Variants in INTS15 observed in about 807,000 individuals in gnomAD.
The protein encoded by INTS15 is integrator complex subunit 15, also known as uncharacterized protein C7orf26.
chr7:6,590,433 G>A, the INTS15 span: 2 of 1,601,640 alleles, frequency 1.2e-6, no homozygotes, highest in Non-Finnish European at 1.7e-6. Context: ...TGCTGGAGGA[G>A]TTCGTGTTCC....
the INTS15 span, chr7:6,600,416 A>G: frequency 1.3e-6 from 2 of 1,499,704 alleles, no homozygotes; most frequent in Non-Finnish European, 1.8e-6. Flanking sequence ...TGCAGAAGGA[A>G]GGAGGGGCTC....
At chr7:6,598,735 T>TG in the INTS15 span, among the ~76,000 whole-genome samples, 2 of 83,618 alleles carry the variant, frequency 2.4e-5, no homozygotes, top group African/African-American at 5.1e-5. Flanking sequence ...GCTGTATGCT[T>TG]TGTGTGTGTG....
the INTS15 span, chr7:6,591,912 C>T: frequency 0.031 from 49,069 of 1,572,346 alleles, 897 homozygotes; most frequent in Middle Eastern, 0.064. Context: ...TGGCTCATGC[C>T]TGTAATCCCA....
At chr7:6,591,857 C>T in the INTS15 span, 1 of 1,613,906 alleles carries the variant, frequency 6.2e-7, no homozygotes, top group Non-Finnish European at 8.5e-7. Context: ...TGTGCTGCCT[C>T]CTGGCTTCAG....
At chr7:6,590,170 G>T in the INTS15 span, 1 of 906,450 alleles carries the variant, frequency 1.1e-6, no homozygotes, top group Non-Finnish European at 1.5e-6. Flanking sequence ...CAAGCGGGCG[G>T]GTGCCGCAGC....
chr7:6,608,080 C>G, the INTS15 span: 8 of 1,566,264 alleles, frequency 5.1e-6, no homozygotes, highest in Non-Finnish European at 6.9e-6. Context: ...CGGCCCACCC[C>G]GCCGCCCACC....
the INTS15 span, among the ~76,000 whole-genome samples, chr7:6,601,441 A>G: frequency 2.0e-5 from 3 of 150,608 alleles, no homozygotes; most frequent in South Asian, 4.2e-4. Context: ...GATTACAGGT[A>G]TGTGTCAGCA....
chr7:6,600,073 G>A, the INTS15 span: 25 of 1,614,036 alleles, frequency 1.5e-5, no homozygotes, highest in Middle Eastern at 3.3e-4. Context: ...CAAAGGACCC[G>A]GGCGTGGGGA....
chr7:6,602,210 A>C, the INTS15 span: 1 of 1,370,676 alleles, frequency 7.3e-7, no homozygotes, highest in East Asian at 2.3e-5. Flanking sequence ...AGACAGGGCG[A>C]GCCCCTTTGT....
the INTS15 span, among the ~76,000 whole-genome samples, chr7:6,604,280 G>C: frequency 6.6e-6 from 1 of 152,160 alleles, no homozygotes; most frequent in African/African-American, 2.4e-5. Context: ...TACCGATGCA[G>C]TTACTAACTA....
At chr7:6,606,607 G>A in the INTS15 span, among the ~76,000 whole-genome samples, 2 of 152,108 alleles carry the variant, frequency 1.3e-5, no homozygotes, top group Non-Finnish European at 2.9e-5. Context: ...CCCTCTGTCT[G>A]CAGCAGAAGC....
the INTS15 span, among the ~76,000 whole-genome samples, chr7:6,593,960 A>G: frequency 0.038 from 5,096 of 133,404 alleles, 102 homozygotes; most frequent in Middle Eastern, 0.084. Context: ...CTGGTCAGTG[A>G]GCTTCAGATT....
chr7:6,594,482 T>A, the INTS15 span: 1 of 1,614,178 alleles, frequency 6.2e-7, no homozygotes, highest in Non-Finnish European at 8.5e-7. Context: ...CCCTTGTAGA[T>A]GACTACTGCT....
chr7:6,594,354 G>T, the INTS15 span: 1 of 1,408,064 alleles, frequency 7.1e-7, no homozygotes, highest in Non-Finnish European at 9.9e-7. Context: ...CATTTCTGGA[G>T]GTGGTCACTG....
At chr7:6,593,373 C>G in the INTS15 span, among the ~76,000 whole-genome samples, 2 of 150,044 alleles carry the variant, frequency 1.3e-5, no homozygotes, top group East Asian at 1.9e-4. Context: ...CTCTGTCGCC[C>G]AAGCTGGAGT....
chr7:6,597,457 G>A, the INTS15 span, among the ~76,000 whole-genome samples: 3 of 152,070 alleles, frequency 2.0e-5, no homozygotes, highest in Non-Finnish European at 4.4e-5. Flanking sequence ...ACCACGCCTG[G>A]CTAATTTTTG....
At chr7:6,607,745 C>G in the INTS15 span, 3 of 1,498,640 alleles carry the variant, frequency 2.0e-6, no homozygotes, top group Non-Finnish European at 2.7e-6. The surrounding 1 kb of genome is among the most constrained non-coding windows in gnomAD (Gnocchi z 6.0). Context: ...CCGTGGGCCA[C>G]AGGCCCCGTG....
At chr7:6,596,452 C>T in the INTS15 span, among the ~76,000 whole-genome samples, 1 of 143,914 alleles carries the variant, frequency 6.9e-6, no homozygotes, top group Non-Finnish European at 1.5e-5. Flanking sequence ...GATCTTGGCT[C>T]ACCACAACCT....
the INTS15 span, among the ~76,000 whole-genome samples, chr7:6,603,542 G>A: frequency 6.6e-6 from 1 of 151,260 alleles, no homozygotes; most frequent in Non-Finnish European, 1.5e-5. Context: ...GCCAGACTCT[G>A]TCTCACAAAA....
Sources: allele counts gnomAD v4.1 joint callset (sites outside exome capture counted in the v4.1 genomes callset), GRCh38; gene constraint gnomAD v4.1.1; non-coding constraint Gnocchi (gnomAD v3.1); transcripts MANE v1.5; gene names NCBI Gene and HGNC (gene_info 2026-07-23, HGNC 2026-07-21).